Variants in LRRTM4 observed in about 807,000 individuals in gnomAD.
LRRTM4 encodes leucine-rich repeat transmembrane neuronal protein 4.
LRRTM4 carries 25 observed loss-of-function variants against 47.6 expected under a neutral mutation model. The ratio of observed to expected loss-of-function variants is 0.53; its 90% CI spans 0.38 to 0.73. The LOEUF is 0.73. Ranked by LOEUF, LRRTM4 falls within the 30% of genes least tolerant of loss-of-function variation. LRRTM4 has a pLI of 0.00. For synonymous variants in LRRTM4, 311 were observed against 269.5 expected (o/e 1.15, Z -1.51); for missense variants, 638 against 713.4 (o/e 0.89, Z 1.20).
chr2:77,465,997 T>C (rs1357061475), intron 3 of LRRTM4, among the ~76,000 whole-genome samples: 3 of 152,144 alleles, frequency 2.0e-5, no homozygotes, highest in Admixed American at 6.5e-5. Context: ...GCGATTATAA[T>C]CCATTCATAG....
chr2:76,848,393 A>C (rs2103962752), intron 3 of LRRTM4, among the ~76,000 whole-genome samples: 1 of 152,192 alleles, frequency 6.6e-6, no homozygotes, highest in South Asian at 2.1e-4. Context: ...TGCATTAATT[A>C]AAGACTCCAA....
chr2:76,882,912 A>G (rs534952848), intron 3 of LRRTM4, among the ~76,000 whole-genome samples: 1 of 151,932 alleles, frequency 6.6e-6, no homozygotes, highest in South Asian at 2.1e-4. Flanking sequence ...GTTTCAGCCT[A>G]TTTCTTCTCT....
intron 3 of LRRTM4, among the ~76,000 whole-genome samples, chr2:76,862,758 A>G (rs761293436): frequency 1.3e-4 from 20 of 152,216 alleles, no homozygotes; most frequent in Non-Finnish European, 2.4e-4. Context: ...CATTTGAACA[A>G]TCTAAGAGCT....
At chr2:77,467,169 G>A (rs913125160) in intron 3 of LRRTM4, among the ~76,000 whole-genome samples, 7 of 152,118 alleles carry the variant, frequency 4.6e-5, no homozygotes, top group African/African-American at 1.4e-4. Flanking sequence ...AGTTGAATAC[G>A]TGTGGTTAAA....
intron 3 of LRRTM4, among the ~76,000 whole-genome samples, chr2:77,041,507 G>A (rs1463554460): frequency 6.6e-6 from 1 of 151,318 alleles, no homozygotes; most frequent in African/African-American, 2.4e-5. Flanking sequence ...CATAGTGGCT[G>A]TACTAATTTG....
chr2:77,331,468 A>G (rs533857088), intron 3 of LRRTM4, among the ~76,000 whole-genome samples: 9 of 152,310 alleles, frequency 5.9e-5, no homozygotes, highest in African/African-American at 2.2e-4. Flanking sequence ...ATTGAAAGCT[A>G]TGTACTAAAT....
chr2:77,137,952 C>T (rs1191798991), intron 3 of LRRTM4, among the ~76,000 whole-genome samples: 5 of 152,110 alleles, frequency 3.3e-5, no homozygotes, highest in African/African-American at 1.2e-4. Context: ...GCACCCAATA[C>T]AGGAGCACCC....
chr2:76,842,500 T>G (rs1012931072), intron 3 of LRRTM4, among the ~76,000 whole-genome samples: 1 of 152,200 alleles, frequency 6.6e-6, no homozygotes, highest in Non-Finnish European at 1.5e-5. Context: ...ACACCTAACC[T>G]ATGGAACAGC....
intron 3 of LRRTM4, among the ~76,000 whole-genome samples, chr2:76,838,084 A>AATG (rs751876212): frequency 7.4e-6 from 1 of 135,332 alleles, no homozygotes; most frequent in Non-Finnish European, 1.6e-5. Context: ...CTTAAAGTAT[A>AATG]ATAATAATAA....
Position 76,783,756 on chromosome 2 carries a change from G to A in LRRTM4, c.1552-34840C>T, listed in dbSNP as rs193226921. Among the ~76,000 whole-genome samples, 4 of 152,148 alleles carry A rather than the reference G, an allele frequency of 2.6e-5. No individual in the cohort carries two copies. The East Asian group carries it at 7.7e-4, about 29-fold the overall frequency. ...CCGTACAAACCTTTTGCTCCACTTG[G>A]ATATTTCTTGCAAGTACTTTGCTTA... On this transcript the variant is annotated intron_variant, in intron 3 of 3. Coordinates refer to ENST00000409884, the MANE Select transcript of LRRTM4 (RefSeq NM_001134745.3).
At position 77,314,279 on chromosome 2, in the gene LRRTM4, A is replaced by G. The variant is rs113510109; in HGVS notation, c.1551+204039T>C. 7.7e-3 allele frequency among the ~76,000 whole-genome samples: 1,166 copies of G among 152,296 alleles called. 17 individuals carry two copies. The highest frequency in any genetic ancestry group is 0.027 in the African/African-American group (1,109 of 41,566). ...TTGGTTTGTTTTATATAATTTTGCT[A>G]TGTTTTAGTATTCAGTGAATGAAGA... On this transcript the variant is annotated intron_variant, in intron 3 of 3. Transcript: ENST00000409884.
chr2:77,072,846 A>G (rs987359323), intron 3 of LRRTM4, among the ~76,000 whole-genome samples: 4 of 148,740 alleles, frequency 2.7e-5, no homozygotes, highest in African/African-American at 9.9e-5. Flanking sequence ...TACAGTTTCC[A>G]AGGTTTGTAT....
intron 3 of LRRTM4, among the ~76,000 whole-genome samples, chr2:77,034,715 T>A (rs1678776768): frequency 6.6e-6 from 1 of 151,982 alleles, no homozygotes; most frequent in Non-Finnish European, 1.5e-5. Context: ...ATGTTTTCCT[T>A]CTGCAGGAAG....
chr2:76,846,375 A>G lies in LRRTM4; in HGVS notation c.1552-97459T>C, dbSNP rs548944328. Among the ~76,000 whole-genome samples the G allele has an allele frequency of 1.6e-4, 24 of 152,292 alleles. No homozygotes were observed. The South Asian group carries it at 4.8e-3, about 30-fold the overall frequency. Reference sequence around the variant, plus strand: ...GTGCCATAAACAAACTTCACTTAGGATAATTTGCTCAGAACTAATGCTAGT... The same window carrying G: ...GTGCCATAAACAAACTTCACTTAGGGTAATTTGCTCAGAACTAATGCTAGT... On this transcript the variant is annotated intron_variant, in intron 3 of 3. Transcript: ENST00000409884.
At chr2:77,047,365 A>T (rs1263305204) in intron 3 of LRRTM4, among the ~76,000 whole-genome samples, 1 of 152,012 alleles carries the variant, frequency 6.6e-6, no homozygotes, top group Non-Finnish European at 1.5e-5. Context: ...AGGGCTGCAG[A>T]CTGAGTGGCT....
chr2:77,429,993 G>T (rs989994597), intron 3 of LRRTM4, among the ~76,000 whole-genome samples: 1 of 152,134 alleles, frequency 6.6e-6, no homozygotes, highest in Non-Finnish European at 1.5e-5. Context: ...TTGGACCCAG[G>T]AGGCGGAGGT....
At chr2:76,966,823 A>G (rs2103927409) in intron 3 of LRRTM4, among the ~76,000 whole-genome samples, 1 of 151,594 alleles carries the variant, frequency 6.6e-6, no homozygotes, top group South Asian at 2.1e-4. Flanking sequence ...GGGATTCTTA[A>G]TAACATTCTC....
chr2:77,242,432 T>C (rs1376560338), intron 3 of LRRTM4, among the ~76,000 whole-genome samples: 2 of 152,062 alleles, frequency 1.3e-5, no homozygotes, highest in African/African-American at 4.8e-5. Flanking sequence ...GATAAGACAT[T>C]CATATCTAAA....
chr2:76,799,067 T>C (rs1271448341), intron 3 of LRRTM4, among the ~76,000 whole-genome samples: 3 of 148,010 alleles, frequency 2.0e-5, no homozygotes, highest in Non-Finnish European at 4.5e-5. Context: ...TTCCAATCAA[T>C]AGAAAAAGAG....
Sources: allele counts gnomAD v4.1 joint callset (sites outside exome capture counted in the v4.1 genomes callset), GRCh38; gene constraint gnomAD v4.1.1; transcripts MANE v1.5; gene names NCBI Gene and HGNC (gene_info 2026-07-23, HGNC 2026-07-21).